TRIM37: variants seen among roughly 807,000 people sequenced by gnomAD.
The protein encoded by TRIM37 is E3 ubiquitin-protein ligase TRIM37.
A neutral mutation model predicts 129.8 loss-of-function variants in TRIM37; 80 were observed. The ratio of observed to expected loss-of-function variants is 0.62; its 90% confidence interval spans 0.51 to 0.74. The LOEUF (loss-of-function observed/expected upper bound fraction) is 0.74. TRIM37 is among the 30% of genes least tolerant of loss of function. The pLI, the probability that TRIM37 is intolerant of heterozygous loss-of-function variation, is 0.00. For missense variants in TRIM37, 1,054 were observed against 1,176.5 expected, an observed-to-expected ratio of 0.90 and a Z score of 1.52; for synonymous variants, 389 against 387.1, an observed-to-expected ratio of 1.00 and a Z score of -0.06.
At chr17:59,013,168 G>C (rs956931687) in intron 21 of TRIM37, among the ~76,000 whole-genome samples, 1 of 152,082 alleles carries the variant, frequency 6.6e-6, no homozygotes. Flanking sequence ...ATTTGAGATA[G>C]AGTCTCACTC....
chr17:59,083,039 C>G (rs950297615), intron 5 of TRIM37, among the ~76,000 whole-genome samples: 1 of 152,200 alleles, frequency 6.6e-6, no homozygotes, highest in African/African-American at 2.4e-5. Flanking sequence ...GATACCTACC[C>G]ACTTCCATTT....
intron 2 of TRIM37, among the ~76,000 whole-genome samples, chr17:59,099,137 C>T (rs918728260): frequency 1.7e-4 from 26 of 151,990 alleles, no homozygotes; most frequent in African/African-American, 6.3e-4. Context: ...GAGCCGAGAT[C>T]GCACGATTGC....
At chr17:59,029,274 T>C (rs191469074) in intron 18 of TRIM37, among the ~76,000 whole-genome samples, 1 of 151,972 alleles carries the variant, frequency 6.6e-6, no homozygotes, top group African/African-American at 2.4e-5. Flanking sequence ...CAAAAAAAAA[T>C]TTTTTTATTA....
chr17:59,089,618 C>A (rs376213910), intron 3 of TRIM37, among the ~76,000 whole-genome samples: 1 of 151,892 alleles, frequency 6.6e-6, no homozygotes, highest in Non-Finnish European at 1.5e-5. Flanking sequence ...CCCAGCCTGG[C>A]GAAAGAGTGA....
chr17:59,069,921 G>A (rs961217155), intron 9 of TRIM37, among the ~76,000 whole-genome samples: 7 of 152,108 alleles, frequency 4.6e-5, no homozygotes, highest in African/African-American at 1.7e-4. Context: ...TGCAAGCTGA[G>A]GCAAAAAAGT....
chr17:59,101,693 TATACACACACACAC>T (rs2045517126), intron 2 of TRIM37, among the ~76,000 whole-genome samples: 1 of 118,588 alleles, frequency 8.4e-6, no homozygotes, highest in South Asian at 2.7e-4. Context: ...TATATATATA[TATACACACACACAC>T]ACACACACAC....
chr17:58,992,825 C>T (rs2032587584), intron 24 of TRIM37, among the ~76,000 whole-genome samples: 1 of 152,208 alleles, frequency 6.6e-6, no homozygotes, highest in South Asian at 2.1e-4. Context: ...GATCCTGAGT[C>T]ATCTCATTAG....
intron 5 of TRIM37, among the ~76,000 whole-genome samples, chr17:59,082,471 A>G (rs760043202): frequency 1.1e-4 from 16 of 152,166 alleles, no homozygotes; most frequent in Non-Finnish European, 2.1e-4. Flanking sequence ...TGATATGTTC[A>G]TCACCAAATC....
downstream of TRIM37, chr17:58,979,952 C>T: frequency 1.3e-6 from 2 of 1,586,940 alleles, no homozygotes; most frequent in African/African-American, 1.3e-5. Flanking sequence ...CTAATGATGC[C>T]CCTACACTCT....
chr17:59,102,458 T>C (rs1424336494), intron 2 of TRIM37, among the ~76,000 whole-genome samples: 1 of 152,240 alleles, frequency 6.6e-6, no homozygotes, highest in Non-Finnish European at 1.5e-5. Context: ...TCACTGTTTA[T>C]TAAAACATGG....
At chr17:59,087,421 G>A (rs2043857092) in intron 4 of TRIM37, among the ~76,000 whole-genome samples, 1 of 149,914 alleles carries the variant, frequency 6.7e-6, no homozygotes, top group Non-Finnish European at 1.5e-5. Context: ...TTCTGATTAT[G>A]CATTAATGTG....
intron 9 of TRIM37, among the ~76,000 whole-genome samples, chr17:59,067,313 T>C (rs2041995874): frequency 6.6e-6 from 1 of 152,206 alleles, no homozygotes; most frequent in Admixed American, 6.5e-5. Flanking sequence ...CTCTTAGAAG[T>C]GTAGACTGCT....
At chr17:59,045,366 G>A (rs921907951) in intron 16 of TRIM37, among the ~76,000 whole-genome samples, 6 of 151,748 alleles carry the variant, frequency 4.0e-5, no homozygotes, top group African/African-American at 1.2e-4. Context: ...ACGGCTGGGC[G>A]AAGTGGATCA....
At chr17:59,017,446 C>T (rs751211436) in intron 19 of TRIM37, 22 bp from the exon 20 acceptor site, 112 of 1,613,502 alleles carry the variant, frequency 6.9e-5, no homozygotes, top group Non-Finnish European at 8.6e-5. Flanking sequence ...TTTAAGAACA[C>T]CTCTGAATAG....
At chr17:58,985,126 T>C (rs1163962930) in intron 24 of TRIM37, 1 of 152,674 alleles carries the variant, frequency 6.5e-6, no homozygotes, top group African/African-American at 2.4e-5. Context: ...TCAGGTAAGG[T>C]GTATGTTGAA....
chr17:59,040,179 T>C (rs1466137733), intron 17 of TRIM37, among the ~76,000 whole-genome samples: 6 of 152,132 alleles, frequency 3.9e-5, no homozygotes, highest in Admixed American at 2.6e-4. Context: ...GTGCTGAGAT[T>C]ACAGGCGTGA....
chr17:59,035,842 C>T (rs1343953951), intron 17 of TRIM37, among the ~76,000 whole-genome samples: 2 of 152,092 alleles, frequency 1.3e-5, no homozygotes, highest in African/African-American at 2.4e-5. Flanking sequence ...ACAGACGGAT[C>T]GGTGACAGGT....
chr17:59,027,655 C>G (rs1046454883), intron 19 of TRIM37, among the ~76,000 whole-genome samples: 3 of 152,204 alleles, frequency 2.0e-5, no homozygotes, highest in African/African-American at 7.2e-5. Flanking sequence ...CTTCTCCACA[C>G]AACAAGCAAA....
intron 16 of TRIM37, among the ~76,000 whole-genome samples, chr17:59,044,744 C>CT (rs990727425): frequency 1.1e-4 from 17 of 152,178 alleles, no homozygotes; most frequent in African/African-American, 4.1e-4. Context: ...TTATATGCAA[C>CT]TACTCTGCCA....
Sources: allele counts gnomAD v4.1 joint callset (sites outside exome capture counted in the v4.1 genomes callset), GRCh38; gene constraint gnomAD v4.1.1; transcripts MANE v1.5; gene names NCBI Gene and HGNC (gene_info 2026-07-23, HGNC 2026-07-21).